The following RBFOX1 variants were observed in gnomAD, a reference collection of about 807,000 sequenced individuals.
The protein encoded by RBFOX1 is RNA binding protein fox-1 homolog 1.
A neutral mutation model predicts 57.7 loss-of-function variants in RBFOX1; 8 were observed. The observed-to-expected ratio is 0.14, with a 90% confidence interval of 0.08 to 0.25. The LOEUF (loss-of-function observed/expected upper bound fraction) is 0.25, where lower values mean the gene tolerates loss of function less well. Ranked by LOEUF, RBFOX1 falls within the 10% of genes least tolerant of loss-of-function variation. The pLI, the probability that RBFOX1 is intolerant of heterozygous loss-of-function variation, is 1.00. For synonymous variants in RBFOX1, 326 were observed against 222.4 expected, an observed-to-expected ratio of 1.47 and a Z score of -4.15; for missense variants, 611 against 548.5, an observed-to-expected ratio of 1.11 and a Z score of -1.14.
chr16:6,237,750 A>G (rs1028052755), intron 1 of RBFOX1, among the ~76,000 whole-genome samples: 4 of 152,022 alleles, frequency 2.6e-5, no homozygotes, highest in Non-Finnish European at 1.5e-5. Context: ...CAAAAATAAA[A>G]CAAAATAAAA....
At chr16:5,733,261 A>G (rs970138903) in intron 3 of RBFOX1, among the ~76,000 whole-genome samples, 1 of 152,194 alleles carries the variant, frequency 6.6e-6, no homozygotes, top group Non-Finnish European at 1.5e-5. Context: ...GTGAGAATAT[A>G]CAAACGCTTC....
Position 6,828,044 on chromosome 16 carries a change from C to T in RBFOX1, c.-16+173394C>T, listed in dbSNP as rs1042486290. Among the ~76,000 whole-genome samples, 32 of 152,132 alleles carry T rather than the reference C, an allele frequency of 2.1e-4. 1 individual carries two copies. The highest frequency in any genetic ancestry group is 3.4e-3 in the Middle Eastern group (1 of 294). ...GAGCTCAATACTGGCACTGGTAAAC[C>T]CTTGAGAAAATGATTAAAAGCCTCT... On this transcript the variant is annotated intron_variant, in intron 3 of 15. Transcript: ENST00000550418.
intron 3 of RBFOX1, among the ~76,000 whole-genome samples, chr16:6,851,878 C>T (rs1350224306): frequency 2.0e-5 from 3 of 151,454 alleles, no homozygotes; most frequent in Non-Finnish European, 1.5e-5. Flanking sequence ...TATCCTTTAG[C>T]TGTATTTTTT....
In RBFOX1 at chr16:7,320,498, T is replaced by C. The variant is rs541635138; in HGVS notation, c.28-197649T>C. Among the ~76,000 whole-genome samples, 6 of 152,362 alleles carry C rather than the reference T, an allele frequency of 3.9e-5. No homozygotes were observed. The East Asian group carries it at 7.7e-4, about 20-fold the overall frequency. The stretch of plus-strand genomic sequence containing the variant: ...TATCTTTGATGGGCATTTGTGTTGA[T>C]TCCATGTCTTTGCTATTGTGATTAG... On this transcript the variant is annotated intron_variant, in intron 4 of 15. Coordinates refer to ENST00000550418, the MANE Select transcript of RBFOX1 (RefSeq NM_018723.4).
intron 1 of RBFOX1, among the ~76,000 whole-genome samples, chr16:5,325,540 T>C (rs2064545463): frequency 6.6e-6 from 1 of 152,206 alleles, no homozygotes; most frequent in East Asian, 1.9e-4. Context: ...ATAGTCAGGG[T>C]AAAGAACAGC....
intron 4 of RBFOX1, among the ~76,000 whole-genome samples, chr16:7,168,737 C>A (rs901140132): frequency 6.6e-6 from 1 of 152,156 alleles, no homozygotes; most frequent in Non-Finnish European, 1.5e-5. Context: ...CTAAAAATAT[C>A]CATAACACAT....
At chr16:6,398,421 A>T (rs2092929333) in intron 2 of RBFOX1, among the ~76,000 whole-genome samples, 2 of 152,132 alleles carry the variant, frequency 1.3e-5, no homozygotes, top group Admixed American at 6.5e-5. Flanking sequence ...CAAAAGTCTC[A>T]TCTGAGACAA....
chr16:6,627,962 T>G (rs890538344), intron 2 of RBFOX1, among the ~76,000 whole-genome samples: 5 of 152,216 alleles, frequency 3.3e-5, no homozygotes, highest in Non-Finnish European at 7.3e-5. Context: ...ACTCTCAGCC[T>G]CGCTGGATGT....
chr16:7,010,408 T>C (rs1229414442), intron 3 of RBFOX1, among the ~76,000 whole-genome samples: 1 of 152,102 alleles, frequency 6.6e-6, no homozygotes, highest in Non-Finnish European at 1.5e-5. Context: ...TGGTGATTAT[T>C]ATATGCATTG....
chr16:7,215,084 G>C (rs975007889), intron 4 of RBFOX1, among the ~76,000 whole-genome samples: 4 of 152,056 alleles, frequency 2.6e-5, no homozygotes, highest in Admixed American at 1.3e-4. Context: ...ACAGGCCCTG[G>C]TGTGTGATGT....
chr16:6,238,871 C>T (rs560475748), intron 1 of RBFOX1, among the ~76,000 whole-genome samples: 1 of 152,190 alleles, frequency 6.6e-6, no homozygotes, highest in East Asian at 1.9e-4. Flanking sequence ...GTCTCCATCC[C>T]CTCAAGCATT....
At chr16:5,892,614 G>C (rs2058072142) in intron 4 of RBFOX1, among the ~76,000 whole-genome samples, 1 of 152,172 alleles carries the variant, frequency 6.6e-6, no homozygotes, top group African/African-American at 2.4e-5. Flanking sequence ...ACAGTGAATG[G>C]TGGAATGCAT....
rs77815329 is a variant in RBFOX1, at chr16:6,352,252, T to G, written c.-64+35195T>G. On this transcript the variant is annotated intron_variant, in intron 2 of 15. Transcript: ENST00000550418. The stretch of plus-strand genomic sequence containing the variant: ...GTTGTGTATTAACTTGTTTCCTCCA[T>G]CTAGTTTATAAATGCTATTTAGGCA... Among the ~76,000 whole-genome samples the G allele has an allele frequency of 8.1e-3, 1,239 of 152,320 alleles. 22 individuals carry two copies. Among genetic ancestry groups the G allele is most frequent in the African/African-American group, 0.028 (1,167 of 41,560 alleles).
chr16:6,755,322 G>A (rs1259455575), intron 3 of RBFOX1, among the ~76,000 whole-genome samples: 1 of 152,134 alleles, frequency 6.6e-6, no homozygotes, highest in African/African-American at 2.4e-5. Context: ...CCCACCAACA[G>A]TGTAAAAGTG....
intron 3 of RBFOX1, among the ~76,000 whole-genome samples, chr16:5,698,032 A>G (rs2050904013): frequency 6.6e-6 from 1 of 152,184 alleles, no homozygotes; most frequent in South Asian, 2.1e-4. Context: ...GTGGTGAATT[A>G]CCTTAATAGG....
intron 4 of RBFOX1, among the ~76,000 whole-genome samples, chr16:7,076,694 C>T (rs1567171137): frequency 1.3e-5 from 2 of 152,272 alleles, no homozygotes; most frequent in Non-Finnish European, 1.5e-5. Flanking sequence ...GTAAACAATT[C>T]TAAATACCAC....
intron 4 of RBFOX1, among the ~76,000 whole-genome samples, chr16:5,913,629 C>A (rs2058649293): frequency 6.6e-6 from 1 of 152,198 alleles, no homozygotes; most frequent in Admixed American, 6.5e-5. Flanking sequence ...CCAAGTAAAC[C>A]TCTTTTCTTT....
chr16:6,506,911 G>A (rs1443913564), intron 2 of RBFOX1, among the ~76,000 whole-genome samples: 3 of 152,148 alleles, frequency 2.0e-5, no homozygotes, highest in South Asian at 4.1e-4. Context: ...GCCTCCCAAA[G>A]TGCTGGGGTT....
At chr16:5,444,045 G>C (rs751266012) in intron 1 of RBFOX1, among the ~76,000 whole-genome samples, 45 of 152,124 alleles carry the variant, frequency 3.0e-4, no homozygotes, top group South Asian at 8.3e-4. Context: ...CAGTAAATTG[G>C]TTTTAGCACT....
Sources: allele counts gnomAD v4.1 joint callset (sites outside exome capture counted in the v4.1 genomes callset), GRCh38; gene constraint gnomAD v4.1.1; transcripts MANE v1.5; gene names NCBI Gene and HGNC (gene_info 2026-07-23, HGNC 2026-07-21).